The following CHLSN variants were observed in gnomAD, a reference collection of about 807,000 sequenced individuals.
The protein encoded by CHLSN is protein cholesin.
the CHLSN span, chr7:997,173 A>T: frequency 6.4e-6 from 1 of 155,386 alleles, no homozygotes; most frequent in Admixed American, 6.5e-5. Context: ...GGACGCAGGC[A>T]GGGGACCAGG....
chr7:1,063,825 C>G, the CHLSN span, among the ~76,000 whole-genome samples: 1 of 152,226 alleles, frequency 6.6e-6, no homozygotes, highest in South Asian at 2.1e-4. Flanking sequence ...AATGTGGGCC[C>G]TTGCCACGGC....
the CHLSN span, among the ~76,000 whole-genome samples, chr7:1,036,383 G>A: frequency 6.7e-6 from 1 of 150,050 alleles, no homozygotes; most frequent in Non-Finnish European, 1.5e-5. Context: ...TGCAGGGCTC[G>A]GGTGCTCGTG....
chr7:1,075,606 C>G, the CHLSN span, among the ~76,000 whole-genome samples: 1 of 123,786 alleles, frequency 8.1e-6, no homozygotes, highest in Non-Finnish European at 1.7e-5. Context: ...CAAATCGGGT[C>G]ACTTTTTTTT....
At chr7:1,136,587 CAT>C in the CHLSN span, among the ~76,000 whole-genome samples, 5,293 of 113,492 alleles carry the variant, frequency 0.047, 304 homozygotes, top group East Asian at 0.18. Context: ...CATATATAAA[CAT>C]ATATAAACAT....
the CHLSN span, among the ~76,000 whole-genome samples, chr7:1,093,967 C>A: frequency 6.6e-6 from 1 of 152,200 alleles, no homozygotes; most frequent in Non-Finnish European, 1.5e-5. Context: ...TCCGGCCAGC[C>A]GGACCTAACC....
chr7:1,013,702 T>C, the CHLSN span, among the ~76,000 whole-genome samples: 1 of 152,206 alleles, frequency 6.6e-6, no homozygotes, highest in East Asian at 1.9e-4. Flanking sequence ...AGCACCGGCC[T>C]GTCACAGACG....
the CHLSN span, chr7:1,092,183 G>C: frequency 6.2e-7 from 1 of 1,613,274 alleles, no homozygotes; most frequent in Non-Finnish European, 8.5e-7. Flanking sequence ...ACCTGGATGA[G>C]CTTCGACCGC....
chr7:1,076,318 CGCCAAGGAGGAGCAG>C, the CHLSN span: 1 of 159,856 alleles, frequency 6.3e-6, no homozygotes, highest in African/African-American at 2.4e-5. Flanking sequence ...GGAGGAGCAC[CGCCAAGGAGGAGCAG>C]GCCAGGGAGG....
At chr7:1,005,892 G>C in the CHLSN span, among the ~76,000 whole-genome samples, 2 of 152,352 alleles carry the variant, frequency 1.3e-5, no homozygotes, top group African/African-American at 2.4e-5. Context: ...CCAGGCAGGG[G>C]GCCGGCCCCC....
the CHLSN span, among the ~76,000 whole-genome samples, chr7:1,129,066 A>G: frequency 0.012 from 18 of 1,530 alleles, 1 homozygote; most frequent in African/African-American, 0.037. Flanking sequence ...TCATCCCACC[A>G]TCACCCGGGC....
the CHLSN span, among the ~76,000 whole-genome samples, chr7:1,059,789 TCTTAGGCAGGC>T: frequency 1.8e-3 from 138 of 77,184 alleles, 1 homozygote; most frequent in Admixed American, 2.1e-3. Flanking sequence ...ATGAGGCGGG[TCTTAGGCAGGC>T]CCGTAGTGGG....
the CHLSN span, chr7:1,028,794 C>T: frequency 9.1e-6 from 8 of 880,648 alleles, no homozygotes; most frequent in East Asian, 1.3e-4. Context: ...CTGTCCCTAT[C>T]GCTCCCCCAA....
At chr7:1,137,967 G>GGCGGGT in the CHLSN span, 1 of 151,154 alleles carries the variant, frequency 6.6e-6, no homozygotes, top group Admixed American at 6.6e-5. Context: ...TTAACCCAGA[G>GGCGGGT]GCGGGTGCGG....
the CHLSN span, among the ~76,000 whole-genome samples, chr7:1,101,573 T>TTCAGCCTCCTGTCTGATTCTCGCCGGGA: frequency 1.3e-5 from 2 of 152,248 alleles, no homozygotes; most frequent in African/African-American, 4.8e-5. Context: ...GCTCTGCACC[T>TTCAGCCTCCTGTCTGATTCTCGCCGGGA]TCAGCCTCCT....
the CHLSN span, among the ~76,000 whole-genome samples, chr7:1,076,971 A>G: frequency 1.3e-5 from 2 of 152,118 alleles, no homozygotes; most frequent in East Asian, 1.9e-4. Context: ...TCCAGTCCGG[A>G]GCTCCTGCTG....
the CHLSN span, among the ~76,000 whole-genome samples, chr7:1,066,678 G>A: frequency 2.0e-5 from 3 of 152,202 alleles, no homozygotes; most frequent in Non-Finnish European, 4.4e-5. Flanking sequence ...TTGGTACTGC[G>A]TCCCCAGCTG....
the CHLSN span, among the ~76,000 whole-genome samples, chr7:1,068,767 T>G: frequency 6.6e-6 from 1 of 152,266 alleles, no homozygotes; most frequent in South Asian, 2.1e-4. Context: ...GCTACTTAGG[T>G]CATAAGTCAA....
chr7:1,130,072 G>A, the CHLSN span, among the ~76,000 whole-genome samples: 10 of 152,292 alleles, frequency 6.6e-5, no homozygotes, highest in East Asian at 1.5e-3. Context: ...AAGGACCACC[G>A]TGAGTCTGGG....
At chr7:1,113,573 C>T in the CHLSN span, among the ~76,000 whole-genome samples, 5 of 152,204 alleles carry the variant, frequency 3.3e-5, no homozygotes, top group African/African-American at 1.2e-4. Flanking sequence ...AATCGGATGG[C>T]AGCGCTGGGC....
Sources: allele counts gnomAD v4.1 joint callset (sites outside exome capture counted in the v4.1 genomes callset), GRCh38; gene constraint gnomAD v4.1.1; transcripts MANE v1.5; gene names NCBI Gene and HGNC (gene_info 2026-07-23, HGNC 2026-07-21).